The following TRPC3 variants were observed in gnomAD, a reference collection of about 807,000 sequenced individuals.
TRPC3 encodes the protein short transient receptor potential channel 3.
A neutral mutation model predicts 90.9 loss-of-function variants in TRPC3; 54 were observed. The ratio of observed to expected loss-of-function variants is 0.59; its 90% CI spans 0.48 to 0.75. TRPC3 has a LOEUF of 0.75. Ranked by LOEUF, TRPC3 falls within the 30% of genes least tolerant of loss-of-function variation. The pLI is 0.00. For synonymous variants in TRPC3, 424 were observed against 450.9 expected, an observed-to-expected ratio of 0.94 and a Z score of 0.75; for missense variants, 918 against 1,194.5, an observed-to-expected ratio of 0.77 and a Z score of 3.41.
At chr4:121,918,951 T>C (rs2149131317) in intron 3 of TRPC3, among the ~76,000 whole-genome samples, 1 of 152,358 alleles carries the variant, frequency 6.6e-6, no homozygotes, top group South Asian at 2.1e-4. Context: ...AAAAATCTCC[T>C]TATGTCACTA....
chr4:121,930,630 T>C, intron 2 of TRPC3: 1 of 225,488 alleles, frequency 4.4e-6, no homozygotes, highest in Non-Finnish European at 8.8e-6. Context: ...TAGAATCTCT[T>C]GCAGACTTTC....
intron 5 of TRPC3, among the ~76,000 whole-genome samples, chr4:121,910,770 C>G (rs1000292451): frequency 6.6e-6 from 1 of 152,164 alleles, no homozygotes; most frequent in Non-Finnish European, 1.5e-5. Context: ...TATACAATCA[C>G]AATGGTTAGT....
chr4:121,936,588 C>T (rs1405773817), intron 1 of TRPC3, among the ~76,000 whole-genome samples: 1 of 152,180 alleles, frequency 6.6e-6, no homozygotes, highest in Non-Finnish European at 1.5e-5. Context: ...AAGCCCTAAC[C>T]CTTAATGTGA....
chr4:121,948,849 TTG>T lies in TRPC3; in HGVS notation c.215+2615_215+2616del, dbSNP rs1491055056. Among the ~76,000 whole-genome samples, 14 of 137,596 alleles carry T rather than the reference TTG, an allele frequency of 1.0e-4. No individual in the cohort carries two copies. In the East Asian group the frequency reaches 1.8e-3, roughly 17 times the overall value. The allele number at this position is 137,596 out of a possible 152,430, so 90.3% of individuals were successfully genotyped here. ...TTTATAACTCTTTGCGGTTTTTTTT[TTG>T]TTTTTTTGTTTTTGTTGTTGTTGTT... On this transcript the variant is annotated intron_variant, in intron 1 of 11. Transcript: ENST00000379645.
At chr4:121,890,912 A>C (rs1416444415) in intron 10 of TRPC3, among the ~76,000 whole-genome samples, 1 of 152,036 alleles carries the variant, frequency 6.6e-6, no homozygotes, top group Non-Finnish European at 1.5e-5. Flanking sequence ...AATCACTTGA[A>C]CCTGGGAGGT....
rs796734900 is a variant in TRPC3, at chr4:121,890,202, G to C, written c.2548-7773C>G. ...GGAAGTAGGGAGAAGTTGGTCACCA[G>C]GTACAAAGTTATAGTTAGATAGAAG... is the stretch of plus-strand genomic sequence containing the variant. On this transcript the variant is annotated intron_variant, in intron 10 of 11. Coordinates refer to ENST00000379645, the MANE Select transcript of TRPC3 (RefSeq NM_001130698.2). 2.2e-4 allele frequency among the ~76,000 whole-genome samples: 33 copies of C among 152,274 alleles called. 1 individual carries two copies. The highest frequency in any genetic ancestry group is 7.7e-4 in the African/African-American group (32 of 41,556).
rs116509395 is a variant in TRPC3 at position 121,881,783 on chromosome 4, C to T, written c.2623+571G>A. Among the ~76,000 whole-genome samples the T allele has an allele frequency of 1.8e-3, 267 of 152,126 alleles. 1 individual carries two copies. Among genetic ancestry groups the T allele is most frequent in the Middle Eastern group, 6.8e-3 (2 of 294 alleles). ...CTGGGCCTGTGTTTAGCTCTACATC[C>T]TAGACTTTGGTAAAAAATTTTTATA... On this transcript the variant is annotated intron_variant, in intron 11 of 11. Transcript: ENST00000379645.
At chr4:121,941,557 G>A (rs1249341536) in intron 1 of TRPC3, among the ~76,000 whole-genome samples, 2 of 152,178 alleles carry the variant, frequency 1.3e-5, no homozygotes, top group Non-Finnish European at 2.9e-5. Flanking sequence ...ATTGGAAATG[G>A]TAATGAGGGT....
At chr4:121,942,813 A>G (rs144825529) in intron 1 of TRPC3, among the ~76,000 whole-genome samples, 9 of 152,280 alleles carry the variant, frequency 5.9e-5, no homozygotes, top group African/African-American at 2.2e-4. Flanking sequence ...GTTCCCTCTA[A>G]AAGTACACTG....
chr4:121,921,138 G>A (rs1729487403), intron 3 of TRPC3, among the ~76,000 whole-genome samples: 1 of 152,134 alleles, frequency 6.6e-6, no homozygotes, highest in South Asian at 2.1e-4. Context: ...TGATTTCTAG[G>A]AAAGACCAGA....
chr4:121,936,542 T>C (rs1302886906), intron 1 of TRPC3, among the ~76,000 whole-genome samples: 1 of 152,236 alleles, frequency 6.6e-6, no homozygotes, highest in African/African-American at 2.4e-5. Flanking sequence ...CCAACTGCTA[T>C]GGACCAAATT....
chr4:121,928,034 G>A (rs1020281561), intron 2 of TRPC3, among the ~76,000 whole-genome samples: 29 of 152,022 alleles, frequency 1.9e-4, no homozygotes, highest in African/African-American at 6.8e-4. Flanking sequence ...AGTTCAGACT[G>A]TTCTGTAAGA....
rs1445695780 is a variant in TRPC3 at position 121,951,525 on chromosome 4, C to T, written c.156G>A (p.Ala52=). ...GVNGGLEPRS[A]PSQREPHGYC... is the part of the protein sequence containing the mutation. ...AGCCGTGCGGCTCCCGCTGCGAGGG[C>T]GCCGAGCGCGGCTCCAGCCCCCCGT... Residue 52 remains alanine (A), a synonymous_variant, in exon 1 of 12, where the codon GCG becomes GCA. Transcript: ENST00000379645. The surrounding 1 kb of genome is among the most constrained non-coding windows in gnomAD (Gnocchi z 4.4). The T allele has an allele frequency of 1.4e-6, 2 of 1,391,946 alleles. No homozygotes were observed. Among genetic ancestry groups the T allele is most frequent in the Non-Finnish European group, 1.9e-6 (2 of 1,072,540 alleles). 86.2% of individuals were successfully genotyped at this position (1,391,946 alleles called of 1,614,324 possible).
chr4:121,941,752 G>A (rs1042838594), intron 1 of TRPC3, among the ~76,000 whole-genome samples: 1 of 152,190 alleles, frequency 6.6e-6, no homozygotes. Context: ...TATGTGGTTG[G>A]AAGGAGGAGA....
chr4:121,884,841 G>T (rs1201865436), intron 10 of TRPC3, among the ~76,000 whole-genome samples: 1 of 152,168 alleles, frequency 6.6e-6, no homozygotes, highest in Admixed American at 6.6e-5. Flanking sequence ...TCTGTGGCAG[G>T]TACTGTACCA....
At chr4:121,915,471 G>C (rs2149128562) in intron 3 of TRPC3, among the ~76,000 whole-genome samples, 1 of 152,266 alleles carries the variant, frequency 6.6e-6, no homozygotes, top group Admixed American at 6.5e-5. Context: ...TCTGTAAAAG[G>C]CCTGAAAAAT....
At chr4:121,946,585 G>T (rs1578661652) in intron 1 of TRPC3, among the ~76,000 whole-genome samples, 1 of 152,188 alleles carries the variant, frequency 6.6e-6, no homozygotes, top group South Asian at 2.1e-4. Flanking sequence ...TGGAAGATAG[G>T]GGGAGAATAA....
intron 1 of TRPC3, among the ~76,000 whole-genome samples, chr4:121,935,724 A>G (rs960181986): frequency 1.8e-4 from 27 of 152,170 alleles, no homozygotes; most frequent in South Asian, 2.1e-4. Flanking sequence ...CAGAATTTCA[A>G]TACTCAGAGG....
chr4:121,922,924 TGA>T (rs1729575147), intron 3 of TRPC3, among the ~76,000 whole-genome samples: 1 of 152,250 alleles, frequency 6.6e-6, no homozygotes, highest in Non-Finnish European at 1.5e-5. Context: ...CAATCTTTAC[TGA>T]GAATCTTCAC....
Sources: allele counts gnomAD v4.1 joint callset (sites outside exome capture counted in the v4.1 genomes callset), GRCh38; gene constraint gnomAD v4.1.1; non-coding constraint Gnocchi (gnomAD v3.1); transcripts MANE v1.5; gene names NCBI Gene and HGNC (gene_info 2026-07-23, HGNC 2026-07-21).